The following CATSPERT variants were observed in gnomAD, a reference collection of about 807,000 sequenced individuals.
CATSPERT encodes catsper channel auxiliary subunit tau.
the CATSPERT span, among the ~76,000 whole-genome samples, chr2:201,575,689 G>A: frequency 1.3e-5 from 2 of 152,174 alleles, no homozygotes; most frequent in African/African-American, 4.8e-5. Flanking sequence ...ATCGTCCCCA[G>A]ATGGGACTGT....
chr2:201,575,142 C>A, the CATSPERT span: 1 of 581,424 alleles, frequency 1.7e-6, no homozygotes, highest in Non-Finnish European at 2.7e-6. Context: ...TACATTTCTA[C>A]TATTTCAAAC....
the CATSPERT span, among the ~76,000 whole-genome samples, chr2:201,568,717 G>T: frequency 6.6e-6 from 1 of 152,148 alleles, no homozygotes; most frequent in East Asian, 1.9e-4. Flanking sequence ...ACTAATCTCT[G>T]CAATTCCTCC....
At chr2:201,547,505 C>T in the CATSPERT span, 6 of 1,482,742 alleles carry the variant, frequency 4.0e-6, no homozygotes, top group South Asian at 3.6e-5. Context: ...TGTCAATTAC[C>T]TCAGAATCCT....
At chr2:201,547,570 A>G in the CATSPERT span, 7 of 1,548,522 alleles carry the variant, frequency 4.5e-6, no homozygotes, top group Admixed American at 1.4e-4. Context: ...TTATCTATCC[A>G]TGTATTCAGA....
the CATSPERT span, among the ~76,000 whole-genome samples, chr2:201,586,839 C>A: frequency 6.6e-6 from 1 of 151,666 alleles, no homozygotes; most frequent in Non-Finnish European, 1.5e-5. Context: ...GTTGTAAATA[C>A]CTCATTTATT....
At chr2:201,592,628 G>T in the CATSPERT span, among the ~76,000 whole-genome samples, 1 of 151,266 alleles carries the variant, frequency 6.6e-6, no homozygotes, top group African/African-American at 2.4e-5. Context: ...TTTTTGGTTG[G>T]TAAGCTATTG....
At chr2:201,550,225 T>C in the CATSPERT span, 1 of 152,206 alleles carries the variant, frequency 6.6e-6, no homozygotes, top group Admixed American at 6.5e-5. Context: ...CAGAAATTTG[T>C]GGATCAAATC....
the CATSPERT span, among the ~76,000 whole-genome samples, chr2:201,608,671 G>C: frequency 6.6e-6 from 1 of 152,108 alleles, no homozygotes; most frequent in Middle Eastern, 3.4e-3. Context: ...ATAAAAATTA[G>C]CCAGGCATGG....
At chr2:201,539,891 T>C in the CATSPERT span, among the ~76,000 whole-genome samples, 2 of 152,182 alleles carry the variant, frequency 1.3e-5, no homozygotes, top group Non-Finnish European at 2.9e-5. Flanking sequence ...GGCCAAAAGC[T>C]AGGCCTCTTG....
the CATSPERT span, among the ~76,000 whole-genome samples, chr2:201,540,043 A>G: frequency 1.3e-5 from 2 of 152,122 alleles, no homozygotes; most frequent in Non-Finnish European, 2.9e-5. Context: ...AGAAGATTAA[A>G]CCAGCCACAA....
chr2:201,529,545 C>T, the CATSPERT span, among the ~76,000 whole-genome samples: 335 of 151,998 alleles, frequency 2.2e-3, 1 homozygote, highest in African/African-American at 7.6e-3. Flanking sequence ...ATAGATATGG[C>T]CCAGAAGATA....
At chr2:201,519,225 C>G in the CATSPERT span, among the ~76,000 whole-genome samples, 6 of 152,238 alleles carry the variant, frequency 3.9e-5, no homozygotes, top group African/African-American at 1.2e-4. Context: ...GCCATAAACT[C>G]TCCCAACCTA....
At chr2:201,530,961 G>GTTTTTT in the CATSPERT span, among the ~76,000 whole-genome samples, 1,513 of 105,950 alleles carry the variant, frequency 0.014, 104 homozygotes, top group East Asian at 0.044. Context: ...TTTTTTGTGG[G>GTTTTTT]TTTTTTTTTT....
At chr2:201,568,643 G>A in the CATSPERT span, among the ~76,000 whole-genome samples, 1 of 152,090 alleles carries the variant, frequency 6.6e-6, no homozygotes, top group Non-Finnish European at 1.5e-5. Flanking sequence ...GGCCAAATAT[G>A]GGAGTTAAAT....
chr2:201,618,911 G>T, the CATSPERT span: 1 of 1,613,634 alleles, frequency 6.2e-7, no homozygotes. Context: ...TTCAGCAGCC[G>T]GTGCCCGGTG....
the CATSPERT span, among the ~76,000 whole-genome samples, chr2:201,537,880 A>G: frequency 6.6e-6 from 1 of 152,050 alleles, no homozygotes; most frequent in Non-Finnish European, 1.5e-5. Context: ...TCCTAGAAAT[A>G]TAAGGAATAC....
chr2:201,545,629 C>CAAAAAAAAAAAAAACA, the CATSPERT span: 1 of 143,216 alleles, frequency 7.0e-6, no homozygotes, highest in Non-Finnish European at 1.1e-5. Flanking sequence ...TTCCTAGAAG[C>CAAAAAAAAAAAAAACA]AAAAAAAAAA....
the CATSPERT span, chr2:201,537,417 C>A: frequency 3.2e-6 from 5 of 1,570,520 alleles, no homozygotes; most frequent in Middle Eastern, 6.4e-4. Flanking sequence ...ATTAAAAGTT[C>A]TCTTCCAATT....
the CATSPERT span, among the ~76,000 whole-genome samples, chr2:201,514,467 T>G: frequency 6.6e-6 from 1 of 152,190 alleles, no homozygotes; most frequent in East Asian, 1.9e-4. Flanking sequence ...AAACAGCATC[T>G]GACAAAATCC....
Sources: allele counts gnomAD v4.1 joint callset (sites outside exome capture counted in the v4.1 genomes callset), GRCh38; gene constraint gnomAD v4.1.1; transcripts MANE v1.5; gene names NCBI Gene and HGNC (gene_info 2026-07-23, HGNC 2026-07-21).